SOHLH2: variants seen among roughly 807,000 people sequenced by gnomAD.
SOHLH2 encodes spermatogenesis and oogenesis specific basic helix-loop-helix 2.
In SOHLH2, 22 loss-of-function variants were observed where a neutral mutation model predicts 50.4. That is an observed-to-expected ratio of 0.44 (90% confidence interval 0.31 to 0.62). The LOEUF is 0.62. SOHLH2 is among the 20% of genes least tolerant of loss of function. SOHLH2 has a pLI of 0.08. For synonymous variants in SOHLH2, 185 were observed against 187.3 expected (o/e 0.99, Z 0.10); for missense variants, 412 against 504.4 (o/e 0.82, Z 1.76).
intron 6 of SOHLH2, 53 bp from the exon 7 acceptor site, chr13:36,174,922 G>A: frequency 6.6e-7 from 1 of 1,523,340 alleles, no homozygotes; most frequent in Non-Finnish European, 8.8e-7. Context: ...TGTCTTCATT[G>A]TACCCAAAGA....
At chr13:36,209,956 C>G (rs919823416) in intron 1 of SOHLH2, among the ~76,000 whole-genome samples, 1 of 152,128 alleles carries the variant, frequency 6.6e-6, no homozygotes, top group Non-Finnish European at 1.5e-5. Flanking sequence ...GAAAGGCTGG[C>G]GCCAGCTAAT....
chr13:36,173,689 C>T lies in SOHLH2; in HGVS notation c.1000+3G>A. 6.2e-7 allele frequency: 1 copy of T among 1,612,690 alleles called. No individual in the cohort carries two copies. The highest frequency in any genetic ancestry group is 8.5e-7 in the Non-Finnish European group (1 of 1,179,858). On this transcript the variant is annotated splice_donor_region_variant and intron_variant, in intron 9 of 10. Coordinates refer to ENST00000379881, the MANE Select transcript of SOHLH2 (RefSeq NM_017826.3). ...AGTGGCACAGATGCTAGGAGAAGCTCACCTCTCACAGCTTCATCCAAGGAG... is the reference window on the plus strand; with the variant it reads ...AGTGGCACAGATGCTAGGAGAAGCTTACCTCTCACAGCTTCATCCAAGGAG...
chr13:36,184,662 G>A (rs1887362373), intron 6 of SOHLH2, among the ~76,000 whole-genome samples: 1 of 152,002 alleles, frequency 6.6e-6, no homozygotes, highest in Admixed American at 6.6e-5. Flanking sequence ...GTTTCACCGT[G>A]TTAGCTAGGA....
At chr13:36,199,793 T>C (rs1156591177) in intron 2 of SOHLH2, among the ~76,000 whole-genome samples, 2 of 152,180 alleles carry the variant, frequency 1.3e-5, no homozygotes, top group Non-Finnish European at 2.9e-5. Flanking sequence ...TTCACTCTTA[T>C]CTTGTTCAAA....
intron 6 of SOHLH2, among the ~76,000 whole-genome samples, chr13:36,183,967 G>C (rs1462146369): frequency 6.6e-6 from 1 of 152,096 alleles, no homozygotes; most frequent in Non-Finnish European, 1.5e-5. Flanking sequence ...CAAAAAATCA[G>C]TAAGGGAGCA....
chr13:36,186,786 C>T (rs890573984), intron 6 of SOHLH2, among the ~76,000 whole-genome samples: 4 of 151,878 alleles, frequency 2.6e-5, no homozygotes, highest in Non-Finnish European at 5.9e-5. Context: ...AATAAGAATG[C>T]GAGTATCAGA....
At chr13:36,189,200 T>C (rs9546637) in intron 6 of SOHLH2, among the ~76,000 whole-genome samples, 23,316 of 152,112 alleles carry the variant, frequency 0.15, 2,198 homozygotes, top group East Asian at 0.42. Flanking sequence ...AGACTACTTC[T>C]GGCCTCCGGA....
intron 1 of SOHLH2, among the ~76,000 whole-genome samples, chr13:36,211,014 C>G (rs1869088780): frequency 6.6e-6 from 1 of 152,138 alleles, no homozygotes; most frequent in Admixed American, 6.5e-5. Flanking sequence ...TTCTTCTATG[C>G]AAATATATTC....
At chr13:36,204,611 T>G (rs1222611621) in intron 1 of SOHLH2, among the ~76,000 whole-genome samples, 1 of 152,184 alleles carries the variant, frequency 6.6e-6, no homozygotes, top group Non-Finnish European at 1.5e-5. Context: ...GGGGTGTGTG[T>G]GTGTTTCTGG....
chr13:36,210,985 C>A (rs1869086588), intron 1 of SOHLH2, among the ~76,000 whole-genome samples: 1 of 152,180 alleles, frequency 6.6e-6, no homozygotes, highest in South Asian at 2.1e-4. Context: ...GTTTGCGAAT[C>A]TCCACCATAG....
At chr13:36,180,391 A>G (rs1450804555) in intron 6 of SOHLH2, among the ~76,000 whole-genome samples, 1 of 152,200 alleles carries the variant, frequency 6.6e-6, no homozygotes, top group Non-Finnish European at 1.5e-5. Context: ...CTTATCTAAT[A>G]TAAGCATTTA....
intron 1 of SOHLH2, among the ~76,000 whole-genome samples, chr13:36,209,175 C>T (rs11617600): frequency 0.13 from 20,482 of 152,066 alleles, 1,418 homozygotes; most frequent in East Asian, 0.21. Flanking sequence ...AGATTACCAG[C>T]TTAGTCTTCA....
intron 7 of SOHLH2, 40 bp downstream of exon 7, chr13:36,174,682 G>A: frequency 6.3e-7 from 1 of 1,593,482 alleles, no homozygotes. Flanking sequence ...ATTAAAGCAT[G>A]TCTATAAGGA....
chr13:36,206,020 G>A (rs899917189), intron 1 of SOHLH2, among the ~76,000 whole-genome samples: 12 of 151,812 alleles, frequency 7.9e-5, no homozygotes, highest in Admixed American at 5.9e-4. Context: ...TATTACTGGT[G>A]TTGAGTTCAT....
At chr13:36,206,306 AT>A (rs1178005213) in intron 1 of SOHLH2, among the ~76,000 whole-genome samples, 64 of 152,024 alleles carry the variant, frequency 4.2e-4, no homozygotes, top group African/African-American at 1.5e-3. Flanking sequence ...GAGGATCTAA[AT>A]TTTCCTCCTA....
chr13:36,192,009 C>A, intron 4 of SOHLH2, 115 bp from the exon 5 acceptor site: 1 of 1,142,196 alleles, frequency 8.8e-7, no homozygotes, highest in Admixed American at 2.7e-5. Context: ...ATAGATTTTA[C>A]AAAGCAGTAT....
intron 6 of SOHLH2, 77 bp from the exon 7 acceptor site, chr13:36,174,946 C>T (rs1887061782): frequency 6.6e-7 from 1 of 1,505,744 alleles, no homozygotes; most frequent in Non-Finnish European, 8.8e-7. Context: ...ACAACACTTC[C>T]TCCTGGGTAT....
intron 6 of SOHLH2, among the ~76,000 whole-genome samples, chr13:36,176,448 T>C (rs535876780): frequency 4.2e-4 from 64 of 152,290 alleles, no homozygotes; most frequent in African/African-American, 1.5e-3. Context: ...AGTTAACATT[T>C]ACTGTACAGG....
chr13:36,184,161 T>G (rs1887335067), intron 6 of SOHLH2, among the ~76,000 whole-genome samples: 1 of 152,184 alleles, frequency 6.6e-6, no homozygotes, highest in Non-Finnish European at 1.5e-5. Flanking sequence ...CAAAGCATGT[T>G]TTCAGATGAC....
Sources: allele counts gnomAD v4.1 joint callset (sites outside exome capture counted in the v4.1 genomes callset), GRCh38; gene constraint gnomAD v4.1.1; transcripts MANE v1.5; gene names NCBI Gene and HGNC (gene_info 2026-07-23, HGNC 2026-07-21).